The following C8orf34 variants were observed in gnomAD, a reference collection of about 807,000 sequenced individuals.
The protein encoded by C8orf34 is chromosome 8 open reading frame 34, also known as uncharacterized protein C8orf34.
A neutral mutation model predicts 68.3 loss-of-function variants in C8orf34; 65 were observed. The ratio of observed to expected loss-of-function variants is 0.95; its 90% CI spans 0.78 to 1.17. The LOEUF (loss-of-function observed/expected upper bound fraction) is 1.17. C8orf34 is among the 50% of genes most tolerant of loss of function. The pLI, the probability that C8orf34 is intolerant of heterozygous loss-of-function variation, is 0.00. For synonymous variants in C8orf34, 244 were observed against 241.2 expected (o/e 1.01, Z -0.11); for missense variants, 664 against 655.4 (o/e 1.01, Z -0.14).
At chr8:68,540,748 A>G (rs1274750261) in intron 7 of C8orf34, among the ~76,000 whole-genome samples, 1 of 152,138 alleles carries the variant, frequency 6.6e-6, no homozygotes, top group Non-Finnish European at 1.5e-5. Context: ...AAGCTGAAGC[A>G]GGAGAATTGC....
At chr8:68,644,226 C>T (rs1177275626) in intron 8 of C8orf34, among the ~76,000 whole-genome samples, 1 of 152,086 alleles carries the variant, frequency 6.6e-6, no homozygotes, top group African/African-American at 2.4e-5. Flanking sequence ...TATATACCCT[C>T]TTCATAGGGG....
chr8:68,635,860 T>C (rs1274038907), intron 7 of C8orf34, among the ~76,000 whole-genome samples: 3 of 152,196 alleles, frequency 2.0e-5, no homozygotes, highest in South Asian at 4.1e-4. Flanking sequence ...CTCTTCTCTA[T>C]GACAAACCTT....
chr8:68,774,944 T>TAAAAAAAAAAAAAAAAAAAAAAAAAAAA lies in C8orf34; in HGVS notation c.1405-1432_1405-1431insAAAAAAAAAAAAAAAAAAAAAAAAAAAA, dbSNP rs1224756627. The stretch of plus-strand genomic sequence containing the variant: ...CAACATGATGAAACCCTGTCTCCAC[T>TAAAAAAAAAAAAAAAAAAAAAAAAAAAA]AAAAAAAAAAAAAAAAAAAAAAATT... On this transcript the variant is annotated intron_variant, in intron 10 of 13. Transcript: ENST00000518698. Among the ~76,000 whole-genome samples the TAAAAAAAAAAAAAAAAAAAAAAAAAAAA allele has an allele frequency of 4.3e-4, 19 of 44,672 alleles. 1 individual carries two copies. Among genetic ancestry groups the TAAAAAAAAAAAAAAAAAAAAAAAAAAAA allele is most frequent in the Middle Eastern group, 0.019 (1 of 52 alleles). 29.3% of individuals were successfully genotyped at this position (44,672 alleles called of 152,430 possible).
At chr8:68,735,769 C>G (rs1338547531) in intron 10 of C8orf34, among the ~76,000 whole-genome samples, 2 of 152,162 alleles carry the variant, frequency 1.3e-5, no homozygotes, top group African/African-American at 4.8e-5. Flanking sequence ...GGAGTGAACC[C>G]TAGCCAATTC....
chr8:68,735,596 T>C (rs1451419486), intron 10 of C8orf34, among the ~76,000 whole-genome samples: 1 of 104,682 alleles, frequency 9.6e-6, no homozygotes, highest in Non-Finnish European at 2.0e-5. Context: ...TTAAACTTTT[T>C]CAAGACTCAT....
chr8:68,535,627 A>ACAG, intron 7 of C8orf34: 1 of 682,240 alleles, frequency 1.5e-6, no homozygotes, highest in Non-Finnish European at 1.8e-6. Flanking sequence ...TTAATTATTC[A>ACAG]CAGTTGTTTA....
At chr8:68,666,602 A>T (rs1819849404) in intron 8 of C8orf34, among the ~76,000 whole-genome samples, 1 of 152,230 alleles carries the variant, frequency 6.6e-6, no homozygotes, top group Non-Finnish European at 1.5e-5. Context: ...CACACAACAT[A>T]AGGAAGTGGC....
chr8:68,577,857 T>C (rs1334348809), intron 7 of C8orf34, among the ~76,000 whole-genome samples: 2 of 151,812 alleles, frequency 1.3e-5, no homozygotes, highest in African/African-American at 4.8e-5. Context: ...AAAAAAACTT[T>C]CTGTGAAATT....
chr8:68,619,504 A>G (rs1384228718), intron 7 of C8orf34, among the ~76,000 whole-genome samples: 1 of 152,080 alleles, frequency 6.6e-6, no homozygotes, highest in Non-Finnish European at 1.5e-5. Flanking sequence ...CCCTTGAACC[A>G]ATGTATTTTT....
chr8:68,397,203 C>G (rs1268539671), intron 1 of C8orf34, among the ~76,000 whole-genome samples: 3 of 151,892 alleles, frequency 2.0e-5, no homozygotes, highest in South Asian at 4.2e-4. Flanking sequence ...ACAAGGTTTC[C>G]ATGTTGGCCA....
chr8:68,515,105 T>C (rs1232401562), intron 5 of C8orf34, among the ~76,000 whole-genome samples: 1 of 152,202 alleles, frequency 6.6e-6, no homozygotes, highest in Non-Finnish European at 1.5e-5. Context: ...AATCATTTCA[T>C]GCTATATATG....
chr8:68,361,630 T>G (rs1672160116), intron 1 of C8orf34, among the ~76,000 whole-genome samples: 1 of 152,248 alleles, frequency 6.6e-6, no homozygotes, highest in African/African-American at 2.4e-5. Context: ...TATGAGCTAT[T>G]GCACCCATTT....
intron 6 of C8orf34, among the ~76,000 whole-genome samples, chr8:68,527,343 C>T (rs1013952477): frequency 2.0e-5 from 3 of 152,148 alleles, no homozygotes; most frequent in African/African-American, 7.2e-5. Flanking sequence ...GAGGCCGAGG[C>T]GGGCGGATCA....
At chr8:68,745,093 G>A (rs970357374) in intron 10 of C8orf34, among the ~76,000 whole-genome samples, 15 of 152,126 alleles carry the variant, frequency 9.9e-5, no homozygotes, top group African/African-American at 2.7e-4. Flanking sequence ...CATTCTTAAA[G>A]AAAAGAATTT....
intron 1 of C8orf34, among the ~76,000 whole-genome samples, chr8:68,418,606 C>T (rs1441404085): frequency 6.6e-6 from 1 of 152,132 alleles, no homozygotes; most frequent in African/African-American, 2.4e-5. Context: ...GTAACCAAAA[C>T]AGCATGGTAC....
chr8:68,428,851 T>C (rs1315624693), intron 1 of C8orf34, among the ~76,000 whole-genome samples: 2 of 152,100 alleles, frequency 1.3e-5, no homozygotes, highest in South Asian at 2.1e-4. Context: ...TAAAAGTTAA[T>C]GCTTTTAAAC....
At chr8:68,534,717 T>G (rs1443310257) in intron 7 of C8orf34, 1 of 985,238 alleles carries the variant, frequency 1.0e-6, no homozygotes, top group Non-Finnish European at 1.2e-6. Context: ...CTGTAAATGG[T>G]TCCTCTGCTT....
intron 7 of C8orf34, among the ~76,000 whole-genome samples, chr8:68,556,987 A>G (rs1421689821): frequency 6.6e-6 from 1 of 152,156 alleles, no homozygotes; most frequent in Non-Finnish European, 1.5e-5. Context: ...TTCTTAACCT[A>G]TTTCTGAGTC....
chr8:68,673,101 G>A (rs1019019281), intron 8 of C8orf34, among the ~76,000 whole-genome samples: 1 of 152,006 alleles, frequency 6.6e-6, no homozygotes, highest in Non-Finnish European at 1.5e-5. Flanking sequence ...GAGCTCTTGG[G>A]CCCTGCATAA....
Sources: gnomAD v4.1 joint callset for allele counts (sites outside exome capture counted in the v4.1 genomes callset) on GRCh38, gnomAD v4.1.1 for gene constraint, MANE v1.5 for transcripts, NCBI Gene and HGNC (gene_info 2026-07-23, HGNC 2026-07-21) for gene names.